The following CDH10 variants were observed in gnomAD, a reference collection of about 807,000 sequenced individuals.
CDH10 encodes cadherin-10.
Under a neutral mutation model 73.1 loss-of-function variants are expected in CDH10, and 30 were observed. That is an observed-to-expected ratio of 0.41 (90% confidence interval 0.31 to 0.56). The LOEUF (loss-of-function observed/expected upper bound fraction) is 0.56. Ranked by LOEUF, CDH10 falls within the 20% of genes least tolerant of loss-of-function variation. The pLI is 0.27. For missense variants in CDH10, 815 were observed against 973.7 expected (o/e 0.84, Z 2.17); for synonymous variants, 345 against 348.2 (o/e 0.99, Z 0.10).
chr5:24,535,290 T>C lies in CDH10; in HGVS notation c.647-11A>G, dbSNP rs1437549201. The C allele has an allele frequency of 1.3e-6, 2 of 1,596,992 alleles. No individual in the cohort carries two copies. Among genetic ancestry groups the C allele is most frequent in the African/African-American group, 2.7e-5 (2 of 73,846 alleles). ...CAGTCCTGATGATACCTTGAGAAAA[T>C]ATAAAAAAACTTCCATTATCTTCAC... On this transcript the variant is annotated splice_polypyrimidine_tract_variant and intron_variant, in intron 4 of 11. Coordinates refer to ENST00000264463, the MANE Select transcript of CDH10 (RefSeq NM_006727.5).
intron 2 of CDH10, among the ~76,000 whole-genome samples, chr5:24,560,386 C>G (rs1744917546): frequency 6.6e-6 from 1 of 152,092 alleles, no homozygotes; most frequent in Non-Finnish European, 1.5e-5. Flanking sequence ...ACAACTTACA[C>G]TGACTTCCAC....
chr5:24,613,870 T>C (rs1417817408), intron 1 of CDH10, among the ~76,000 whole-genome samples: 2 of 152,188 alleles, frequency 1.3e-5, no homozygotes, highest in Non-Finnish European at 2.9e-5. Context: ...CAATATTCTA[T>C]GTTCTATGTA....
intron 8 of CDH10, among the ~76,000 whole-genome samples, chr5:24,500,592 A>G (rs1278612593): frequency 6.6e-6 from 1 of 152,236 alleles, no homozygotes; most frequent in Non-Finnish European, 1.5e-5. Flanking sequence ...TACTTTGGCC[A>G]ATTTACTCCA....
chr5:24,493,257 A>C (rs1335338120), intron 9 of CDH10, among the ~76,000 whole-genome samples: 1 of 152,128 alleles, frequency 6.6e-6, no homozygotes, highest in Non-Finnish European at 1.5e-5. Context: ...TTCGAATGTC[A>C]GAAAAATTTA....
intron 8 of CDH10, among the ~76,000 whole-genome samples, chr5:24,503,223 T>G (rs779112425): frequency 6.6e-6 from 1 of 152,200 alleles, no homozygotes; most frequent in Non-Finnish European, 1.5e-5. Context: ...AACTTGACCT[T>G]GATACGTGTT....
chr5:24,535,600 G>A, intron 4 of CDH10, 103 bp downstream of exon 4: 2 of 999,628 alleles, frequency 2.0e-6, no homozygotes, highest in East Asian at 2.4e-5. Flanking sequence ...ACTCATCTGT[G>A]AGTATTAATG....
At chr5:24,643,218 T>C (rs886815580) in intron 1 of CDH10, among the ~76,000 whole-genome samples, 1 of 152,166 alleles carries the variant, frequency 6.6e-6, no homozygotes, top group South Asian at 2.1e-4. Flanking sequence ...ACTTAGCATT[T>C]ACCTGTGTTT....
intron 1 of CDH10, among the ~76,000 whole-genome samples, chr5:24,628,845 G>GACACAC (rs71698746): frequency 0.059 from 7,486 of 127,226 alleles, 789 homozygotes; most frequent in African/African-American, 0.22. Flanking sequence ...TCCCCACCTT[G>GACACAC]ACACACACAC....
chr5:24,577,070 G>C (rs1745634679), intron 2 of CDH10, among the ~76,000 whole-genome samples: 1 of 47,500 alleles, frequency 2.1e-5, no homozygotes, highest in African/African-American at 6.0e-5. Flanking sequence ...CAACGTCAAA[G>C]TTATTTAAAA....
intron 11 of CDH10, among the ~76,000 whole-genome samples, chr5:24,489,750 C>A (rs993715772): frequency 2.0e-5 from 3 of 151,990 alleles, no homozygotes; most frequent in Non-Finnish European, 4.4e-5. Flanking sequence ...AAGCAGTCTG[C>A]TCATGACTAT....
At chr5:24,493,110 C>T (rs1742122674) in intron 9 of CDH10, 185 bp from the exon 10 acceptor site, 1 of 461,084 alleles carries the variant, frequency 2.2e-6, no homozygotes, top group South Asian at 3.6e-5. Flanking sequence ...CCTCTCTCAT[C>T]TCTGTGTCTT....
intron 5 of CDH10, 54 bp downstream of exon 5, chr5:24,535,058 C>T: frequency 1.4e-6 from 2 of 1,428,290 alleles, no homozygotes; most frequent in Non-Finnish European, 1.9e-6. Flanking sequence ...CTTTGTCTGT[C>T]TTTTTTTACT....
At chr5:24,534,996 AAT>A (rs1180766091) in intron 5 of CDH10, 114 bp downstream of exon 5, 1 of 929,562 alleles carries the variant, frequency 1.1e-6, no homozygotes, top group Non-Finnish European at 1.6e-6. Flanking sequence ...TCACATTTTC[AAT>A]ATGTTTTAAA....
At chr5:24,498,566 A>G (rs1464076261) in intron 8 of CDH10, 47 bp from the exon 9 acceptor site, 2 of 1,400,050 alleles carry the variant, frequency 1.4e-6, no homozygotes, top group Admixed American at 3.5e-5. Context: ...AAATTGGTGC[A>G]TCAAATTTAA....
chr5:24,491,312 T>C (rs773630544), intron 11 of CDH10, among the ~76,000 whole-genome samples: 1 of 152,194 alleles, frequency 6.6e-6, no homozygotes, highest in African/African-American at 2.4e-5. Flanking sequence ...CAGTTGTTGT[T>C]TTTTCTAAAT....
At chr5:24,588,097 G>C (rs1342915787) in intron 2 of CDH10, among the ~76,000 whole-genome samples, 2 of 152,128 alleles carry the variant, frequency 1.3e-5, no homozygotes, top group East Asian at 3.8e-4. Context: ...TTACATATTA[G>C]AGAAGTAATG....
intron 5 of CDH10, among the ~76,000 whole-genome samples, chr5:24,524,034 A>G (rs1262184145): frequency 1.3e-5 from 2 of 152,146 alleles, no homozygotes; most frequent in East Asian, 3.9e-4. Flanking sequence ...GCATATAAAC[A>G]CATTTATTTT....
intron 2 of CDH10, among the ~76,000 whole-genome samples, chr5:24,573,908 G>A (rs1579828520): frequency 6.7e-6 from 1 of 148,204 alleles, no homozygotes. Context: ...TTTTTGAGAC[G>A]GATTCTCTCT....
chr5:24,506,827 A>G (rs1273807726), intron 7 of CDH10, among the ~76,000 whole-genome samples: 1 of 152,170 alleles, frequency 6.6e-6, no homozygotes, highest in Admixed American at 6.5e-5. Context: ...AAATCAATAA[A>G]AGCGTCTGCT....
Sources: gnomAD v4.1 joint callset for allele counts (sites outside exome capture counted in the v4.1 genomes callset) on GRCh38, gnomAD v4.1.1 for gene constraint, MANE v1.5 for transcripts, NCBI Gene and HGNC (gene_info 2026-07-23, HGNC 2026-07-21) for gene names.